AGBL1: variants seen among roughly 807,000 people sequenced by gnomAD.
The protein encoded by AGBL1 is cytosolic carboxypeptidase 4.
AGBL1 carries 130 observed loss-of-function variants against 118.9 expected under a neutral mutation model. The ratio of observed to expected loss-of-function variants is 1.09; its 90% CI spans 0.95 to 1.26. The LOEUF is 1.26. AGBL1 is among the 50% of genes most tolerant of loss of function. The pLI is 0.00. For missense variants in AGBL1, 1,584 were observed against 1,298.1 expected, an observed-to-expected ratio of 1.22 and a Z score of -3.38; for synonymous variants, 555 against 478.9, an observed-to-expected ratio of 1.16 and a Z score of -2.08.
intron 5 of AGBL1, among the ~76,000 whole-genome samples, chr15:86,201,693 G>C (rs1294040934): frequency 6.6e-6 from 1 of 152,186 alleles, no homozygotes; most frequent in Non-Finnish European, 1.5e-5. Context: ...GCACAATGGA[G>C]CAGTGCAGCA....
intron 22 of AGBL1, among the ~76,000 whole-genome samples, chr15:86,712,585 G>A (rs75940159): frequency 2.6e-5 from 4 of 152,046 alleles, no homozygotes; most frequent in Admixed American, 6.6e-5. Flanking sequence ...AAAAAAATCC[G>A]CCTGTACTCT....
chr15:86,313,681 A>G (rs780134788), intron 17 of AGBL1, among the ~76,000 whole-genome samples: 2 of 152,230 alleles, frequency 1.3e-5, no homozygotes, highest in Admixed American at 6.5e-5. Context: ...TTAATAATAC[A>G]TTATCATTTA....
chr15:86,458,978 T>C (rs1302415039), intron 18 of AGBL1, among the ~76,000 whole-genome samples: 1 of 152,206 alleles, frequency 6.6e-6, no homozygotes, highest in Non-Finnish European at 1.5e-5. Flanking sequence ...ATCACTGTAC[T>C]CACCTTTTGC....
At chr15:86,160,302 A>G (rs948581037) in intron 5 of AGBL1, among the ~76,000 whole-genome samples, 3 of 152,178 alleles carry the variant, frequency 2.0e-5, no homozygotes, top group African/African-American at 7.2e-5. Context: ...TTTATTTTCT[A>G]TGATTATATT....
At chr15:86,617,004 C>T (rs746523871) in intron 21 of AGBL1, among the ~76,000 whole-genome samples, 3 of 152,204 alleles carry the variant, frequency 2.0e-5, no homozygotes, top group Non-Finnish European at 4.4e-5. Context: ...CCATCACAAA[C>T]ATTATGATCC....
rs150624000 is a variant in AGBL1, at chr15:86,084,134, G to T, written c.51+4111G>T. Among the ~76,000 whole-genome samples, 3 of 152,330 alleles carry T rather than the reference G, an allele frequency of 2.0e-5. No individual in the cohort carries two copies. In the East Asian group the frequency reaches 5.8e-4, roughly 29 times the overall value. On this transcript the variant is annotated intron_variant, in intron 1 of 22. Transcript: ENST00000614907. ...ATAAGGATGAGGGCCAAGTGGACAA[G>T]AGACAAAATTGGCAAGAAATTACAT...
intron 23 of AGBL1, among the ~76,000 whole-genome samples, chr15:86,964,921 GGC>G (rs2081034241): frequency 6.6e-6 from 1 of 151,972 alleles, no homozygotes; most frequent in Non-Finnish European, 1.5e-5. Flanking sequence ...TGAGAATAAT[GGC>G]TTACAGCTTC....
chr15:87,029,166 C>G (rs2570125), downstream of AGBL1: 1 of 217,616 alleles, frequency 4.6e-6, no homozygotes, highest in Non-Finnish European at 9.0e-6. Flanking sequence ...CATAGATAGT[C>G]TTCTACTCAA....
chr15:86,164,750 G>C (rs2077314115), intron 5 of AGBL1, among the ~76,000 whole-genome samples: 1 of 152,120 alleles, frequency 6.6e-6, no homozygotes, highest in Non-Finnish European at 1.5e-5. Context: ...AATTGGAAAT[G>C]GGTTGGATCT....
chr15:86,654,159 A>T (rs1339974650), intron 21 of AGBL1, among the ~76,000 whole-genome samples: 2 of 152,104 alleles, frequency 1.3e-5, no homozygotes, highest in Non-Finnish European at 1.5e-5. Context: ...CAGATCATGT[A>T]CCTGAGTGAA....
At chr15:86,422,958 C>A (rs537853097) in intron 18 of AGBL1, among the ~76,000 whole-genome samples, 3 of 152,214 alleles carry the variant, frequency 2.0e-5, no homozygotes, top group South Asian at 4.2e-4. Context: ...GCTTACCAAC[C>A]AAAAACAGTC....
intron 5 of AGBL1, among the ~76,000 whole-genome samples, chr15:86,159,491 A>G (rs2077237219): frequency 1.3e-5 from 2 of 152,178 alleles, no homozygotes; most frequent in South Asian, 2.1e-4. Context: ...AACTTCTGGC[A>G]TGAGTTCTGG....
At chr15:86,297,748 G>T (rs1394651628) in intron 17 of AGBL1, among the ~76,000 whole-genome samples, 1 of 152,168 alleles carries the variant, frequency 6.6e-6, no homozygotes, top group Non-Finnish European at 1.5e-5. Context: ...TACAGATGGG[G>T]TAAGTGGAGC....
At chr15:86,792,896 T>C (rs1274012462) in intron 22 of AGBL1, among the ~76,000 whole-genome samples, 1 of 152,176 alleles carries the variant, frequency 6.6e-6, no homozygotes, top group African/African-American at 2.4e-5. Context: ...TCAACAAAAA[T>C]ATAGATATTT....
At chr15:86,939,825 T>C (rs1471369937) in intron 23 of AGBL1, 3 of 152,148 alleles carry the variant, frequency 2.0e-5, no homozygotes, top group African/African-American at 7.2e-5. Flanking sequence ...AATGCACCAG[T>C]AATTTTGGCA....
intron 22 of AGBL1, among the ~76,000 whole-genome samples, chr15:86,716,049 G>T (rs1372335892): frequency 7.1e-6 from 1 of 139,954 alleles, no homozygotes; most frequent in Non-Finnish European, 1.5e-5. Context: ...CTGGGCAACA[G>T]AGCAAGACTC....
In AGBL1 at chr15:86,985,743, C is replaced by T. The variant is rs145904082; in HGVS notation, c.3222-2244C>T. ...TGGTTTTAATTTTAACGAAGTCCAA[C>T]GTATCAACATTTTCTTTTATGGTTT... is the stretch of plus-strand genomic sequence containing the variant. On this transcript the variant is annotated intron_variant, in intron 23 of 24. Coordinates refer to the AGBL1 transcript ENST00000441037. Among the ~76,000 whole-genome samples the T allele has an allele frequency of 4.1e-3, 628 of 152,194 alleles. 9 individuals are homozygous for T. The highest frequency in any genetic ancestry group is 0.015 in the African/African-American group (607 of 41,530).
intron 18 of AGBL1, among the ~76,000 whole-genome samples, chr15:86,443,938 A>G (rs190334472): frequency 5.1e-4 from 77 of 152,312 alleles, no homozygotes; most frequent in Non-Finnish European, 9.4e-4. Flanking sequence ...TCACTTTGAT[A>G]TGCTGATTTT....
At chr15:86,121,095 G>A (rs1838387) in intron 1 of AGBL1, among the ~76,000 whole-genome samples, 36,328 of 151,672 alleles carry the variant, frequency 0.24, 4,455 homozygotes, top group South Asian at 0.29. Flanking sequence ...ACAGGATTTC[G>A]CCATGTTGGC....
Sources: gnomAD v4.1 joint callset for allele counts (sites outside exome capture counted in the v4.1 genomes callset) on GRCh38, gnomAD v4.1.1 for gene constraint, MANE v1.5 for transcripts, NCBI Gene and HGNC (gene_info 2026-07-23, HGNC 2026-07-21) for gene names.